The following PDE8B variants were observed in gnomAD, a reference collection of about 807,000 sequenced individuals.
PDE8B encodes the protein high affinity cAMP-specific and IBMX-insensitive 3',5'-cyclic phosphodiesterase 8B.
Under a neutral mutation model 101.3 loss-of-function variants are expected in PDE8B, and 26 were observed. The ratio of observed to expected loss-of-function variants is 0.26; its 90% CI spans 0.19 to 0.36. The LOEUF (loss-of-function observed/expected upper bound fraction) is 0.36. PDE8B is among the 10% of genes least tolerant of loss of function. The pLI, the probability that PDE8B is intolerant of heterozygous loss-of-function variation, is 1.00. For synonymous variants in PDE8B, 424 were observed against 429.3 expected (o/e 0.99, Z 0.15); for missense variants, 810 against 1,163.1 (o/e 0.70, Z 4.42).
At chr5:77,225,444 T>A (rs1752122048) in intron 1 of PDE8B, among the ~76,000 whole-genome samples, 1 of 152,244 alleles carries the variant, frequency 6.6e-6, no homozygotes, top group African/African-American at 2.4e-5. Flanking sequence ...TTTCATAGTC[T>A]GCTAGTAATG....
chr5:77,224,932 C>T (rs767044041), intron 1 of PDE8B, among the ~76,000 whole-genome samples: 2 of 152,042 alleles, frequency 1.3e-5, no homozygotes, highest in Admixed American at 6.6e-5. Context: ...GTAGTTAGAT[C>T]TAGAGGCTTG....
the PDE8B span, among the ~76,000 whole-genome samples, chr5:77,195,342 A>G: frequency 5.3e-5 from 8 of 152,212 alleles, no homozygotes; most frequent in South Asian, 6.2e-4. Flanking sequence ...TTAAGCATCA[A>G]TTTTCCAACA....
chr5:77,358,860 C>A (rs1782586833), intron 10 of PDE8B, among the ~76,000 whole-genome samples: 1 of 152,302 alleles, frequency 6.6e-6, no homozygotes, highest in South Asian at 2.1e-4. Flanking sequence ...ACTTTGTACA[C>A]GTGCACCTTA....
chr5:77,177,564 A>T, the PDE8B span, among the ~76,000 whole-genome samples: 546 of 152,370 alleles, frequency 3.6e-3, 1 homozygote, highest in Non-Finnish European at 6.4e-3. Flanking sequence ...TAAGTCAAGA[A>T]CTTTTATCTT....
chr5:77,395,505 T>G, intron 10 of PDE8B, among the ~76,000 whole-genome samples: 1 of 150,864 alleles, frequency 6.6e-6, no homozygotes, highest in Non-Finnish European at 1.5e-5. Context: ...CCCTTTCAAT[T>G]TTTAAAAATT....
the PDE8B span, among the ~76,000 whole-genome samples, chr5:77,120,586 G>T: frequency 2.0e-5 from 3 of 152,192 alleles, no homozygotes; most frequent in Non-Finnish European, 4.4e-5. Flanking sequence ...TATGATAAAA[G>T]AAATAGAATA....
chr5:77,167,233 T>G, the PDE8B span, among the ~76,000 whole-genome samples: 1 of 152,222 alleles, frequency 6.6e-6, no homozygotes, highest in Non-Finnish European at 1.5e-5. Flanking sequence ...TATTCATAAG[T>G]GTGGCCCTGC....
intron 12 of PDE8B, among the ~76,000 whole-genome samples, chr5:77,405,788 A>C (rs1050945594): frequency 6.6e-6 from 1 of 152,148 alleles, no homozygotes; most frequent in Non-Finnish European, 1.5e-5. Context: ...AGAACTCGAG[A>C]GCGGACAACA....
At chr5:77,361,396 A>G (rs1783066823) in intron 10 of PDE8B, among the ~76,000 whole-genome samples, 1 of 152,246 alleles carries the variant, frequency 6.6e-6, no homozygotes, top group South Asian at 2.1e-4. Flanking sequence ...ACCCAAAAAT[A>G]TCAAGAATGA....
At chr5:77,278,196 A>G (rs17671075) in intron 1 of PDE8B, among the ~76,000 whole-genome samples, 4,891 of 152,212 alleles carry the variant, frequency 0.032, 96 homozygotes, top group African/African-American at 0.044. Flanking sequence ...AACGTCTCCC[A>G]GCTTCAGTAC....
At chr5:77,150,329 A>G in the PDE8B span, among the ~76,000 whole-genome samples, 24 of 152,332 alleles carry the variant, frequency 1.6e-4, no homozygotes, top group African/African-American at 5.1e-4. Flanking sequence ...ATGTGTGACT[A>G]TCCAAGATGC....
rs73767373 is a variant in PDE8B, at chr5:77,333,569, T to C, written c.708+2110T>C. Among the ~76,000 whole-genome samples the C allele has an allele frequency of 5.3e-3, 805 of 152,298 alleles. 12 individuals are homozygous for C. Among genetic ancestry groups the C allele is most frequent in the African/African-American group, 0.018 (766 of 41,550 alleles). ...TGTGGGTTTTATCGATCAGGACCCA[T>C]GTACGTGCTGTTGAGTGTCCTTTTG... On this transcript the variant is annotated intron_variant, in intron 5 of 21. Coordinates refer to ENST00000264917, the MANE Select transcript of PDE8B (RefSeq NM_003719.5).
intron 21 of PDE8B, 71 bp downstream of exon 21, chr5:77,425,967 G>A (rs1358748248): frequency 2.1e-6 from 3 of 1,455,588 alleles, no homozygotes; most frequent in Non-Finnish European, 2.9e-6. Context: ...TAGTGACACA[G>A]GGTGAGCCTA....
intron 18 of PDE8B, among the ~76,000 whole-genome samples, chr5:77,418,995 G>A (rs1031025812): frequency 1.3e-5 from 2 of 152,166 alleles, no homozygotes; most frequent in Non-Finnish European, 1.5e-5. Context: ...CAGATGCCTG[G>A]GAAGGGGGCA....
chr5:77,106,682 T>C, the PDE8B span, among the ~76,000 whole-genome samples: 28 of 152,292 alleles, frequency 1.8e-4, no homozygotes, highest in Non-Finnish European at 3.7e-4. Flanking sequence ...TGTGAGCCAA[T>C]TTGGGGAGAA....
At chr5:77,277,211 A>G (rs1461680252) in intron 1 of PDE8B, among the ~76,000 whole-genome samples, 2 of 152,236 alleles carry the variant, frequency 1.3e-5, no homozygotes, top group African/African-American at 2.4e-5. Flanking sequence ...ATCTTGTCAT[A>G]AAATCACCTG....
At chr5:77,352,623 A>G (rs2150468372) in intron 9 of PDE8B, among the ~76,000 whole-genome samples, 1 of 152,350 alleles carries the variant, frequency 6.6e-6, no homozygotes, top group South Asian at 2.1e-4. Flanking sequence ...TCAGAGGCCT[A>G]CAGAGAAAAG....
the PDE8B span, among the ~76,000 whole-genome samples, chr5:77,155,875 T>A: frequency 6.6e-6 from 1 of 152,212 alleles, no homozygotes; most frequent in African/African-American, 2.4e-5. Context: ...AAGCCAGGTA[T>A]TTTTCCCCTG....
intron 1 of PDE8B, among the ~76,000 whole-genome samples, chr5:77,279,230 G>A (rs1013746999): frequency 6.6e-6 from 1 of 152,202 alleles, no homozygotes; most frequent in Non-Finnish European, 1.5e-5. Flanking sequence ...TTGATGATTT[G>A]TATTGTAAAC....
Sources: allele counts gnomAD v4.1 joint callset (sites outside exome capture counted in the v4.1 genomes callset), GRCh38; gene constraint gnomAD v4.1.1; transcripts MANE v1.5; gene names NCBI Gene and HGNC (gene_info 2026-07-23, HGNC 2026-07-21).